Variants in COL21A1 observed in about 807,000 individuals in gnomAD.
COL21A1 encodes collagen alpha-1(XXI) chain.
In COL21A1, 149 loss-of-function variants were observed where a neutral mutation model predicts 137.9. The observed-to-expected ratio is 1.08, with a 90% CI of 0.95 to 1.24. COL21A1 has a LOEUF of 1.24. Ranked by LOEUF, COL21A1 falls within the 50% of genes most tolerant of loss-of-function variation. The pLI is 0.00. For synonymous variants in COL21A1, 456 were observed against 391.5 expected (o/e 1.16, Z -1.95); for missense variants, 1,167 against 1,158.4 (o/e 1.01, Z -0.11).
intron 1 of COL21A1, among the ~76,000 whole-genome samples, chr6:56,224,401 T>C (rs963685001): frequency 2.0e-5 from 3 of 152,102 alleles, no homozygotes; most frequent in African/African-American, 7.2e-5. Flanking sequence ...TATAGCTGAA[T>C]TCCATGACTT....
At chr6:56,203,707 C>T (rs1490440282) in intron 1 of COL21A1, among the ~76,000 whole-genome samples, 2 of 152,206 alleles carry the variant, frequency 1.3e-5, no homozygotes, top group African/African-American at 2.4e-5. Flanking sequence ...CTCCAGTCTG[C>T]AGTTCCCAGC....
At chr6:56,293,919 CT>C (rs1764109831) in intron 1 of COL21A1, among the ~76,000 whole-genome samples, 1 of 152,164 alleles carries the variant, frequency 6.6e-6, no homozygotes, top group Non-Finnish European at 1.5e-5. Flanking sequence ...TGCAACTGAA[CT>C]TGAACTGTAA....
At chr6:56,333,136 C>T (rs1442304434) in intron 1 of COL21A1, among the ~76,000 whole-genome samples, 1 of 151,992 alleles carries the variant, frequency 6.6e-6, no homozygotes, top group Non-Finnish European at 1.5e-5. Flanking sequence ...AACTGACATA[C>T]AATAAACTAC....
chr6:56,195,200 A>T (rs1355245543), intron 1 of COL21A1, among the ~76,000 whole-genome samples: 1 of 152,112 alleles, frequency 6.6e-6, no homozygotes, highest in Non-Finnish European at 1.5e-5. Context: ...TGCAGTTTTG[A>T]GTATTCTCTT....
intron 9 of COL21A1, among the ~76,000 whole-genome samples, chr6:56,157,926 C>T (rs1341445845): frequency 6.6e-6 from 1 of 152,154 alleles, no homozygotes; most frequent in Non-Finnish European, 1.5e-5. Flanking sequence ...AACCTAAGAT[C>T]TTTAAAGAAC....
chr6:56,216,423 T>A (rs983775082), intron 1 of COL21A1, among the ~76,000 whole-genome samples: 5 of 152,086 alleles, frequency 3.3e-5, no homozygotes, highest in African/African-American at 1.2e-4. Flanking sequence ...TTATCCCTCT[T>A]CTGCTCACAC....
At position 56,190,907 on chromosome 6, in the gene COL21A1, TA is replaced by T. The variant is rs560928196; in HGVS notation, c.-38-8252del. Among the ~76,000 whole-genome samples, 26 of 152,194 alleles carry T rather than the reference TA, an allele frequency of 1.7e-4. No individual in the cohort carries two copies. In the South Asian group the frequency reaches 5.0e-3, roughly 29 times the overall value. On this transcript the variant is annotated intron_variant, in intron 1 of 29. Transcript: ENST00000244728. ...TTCAACACCCCTTCATGCTAATACCTAGCATGATATTAGCATCCCCATAAGC... is the reference window on the plus strand; with the variant it reads ...TTCAACACCCCTTCATGCTAATACCTGCATGATATTAGCATCCCCATAAGC...
chr6:56,268,039 T>C (rs6940268), intron 1 of COL21A1, among the ~76,000 whole-genome samples: 135,178 of 152,176 alleles, frequency 0.89, 60,174 homozygotes, highest in African/African-American at 0.93. Context: ...CCCAAGGGTC[T>C]GGAAGATGGA....
At chr6:56,196,931 T>C in intron 1 of COL21A1, among the ~76,000 whole-genome samples, 1 of 152,008 alleles carries the variant, frequency 6.6e-6, no homozygotes, top group East Asian at 1.9e-4. Flanking sequence ...TAAAGCAATC[T>C]TGAACAAGAA....
intron 9 of COL21A1, among the ~76,000 whole-genome samples, chr6:56,164,151 A>G (rs1776393391): frequency 6.6e-6 from 1 of 152,208 alleles, no homozygotes; most frequent in East Asian, 1.9e-4. Flanking sequence ...GGGATCTAGC[A>G]GCAGTATTTG....
At chr6:56,115,581 A>G (rs994214936) in intron 16 of COL21A1, among the ~76,000 whole-genome samples, 7 of 152,192 alleles carry the variant, frequency 4.6e-5, no homozygotes, top group African/African-American at 1.2e-4. Context: ...AGTGAACACT[A>G]CAATAAAGAC....
chr6:56,368,541 G>A (rs937471510), intron 1 of COL21A1, among the ~76,000 whole-genome samples: 1 of 152,250 alleles, frequency 6.6e-6, no homozygotes, highest in East Asian at 1.9e-4. Flanking sequence ...ATCCAGGGCA[G>A]TGACCACTTT....
chr6:56,076,313 G>T (rs1266666502), intron 18 of COL21A1, among the ~76,000 whole-genome samples: 2 of 151,298 alleles, frequency 1.3e-5, no homozygotes, highest in African/African-American at 2.4e-5. Context: ...AGGCTGACAG[G>T]ACACCCTCTA....
chr6:56,070,831 A>G (rs41271340), intron 20 of COL21A1, 33 bp from the exon 21 acceptor site: 141,977 of 1,531,462 alleles, frequency 0.093, 7,470 homozygotes, highest in Non-Finnish European at 0.11. Context: ...GGAGTTTTTT[A>G]AAAACAATTC....
Position 56,288,130 on chromosome 6 carries a change from C to G in COL21A1, c.-38-105474G>C, listed in dbSNP as rs1208921925. Among the ~76,000 whole-genome samples the G allele has an allele frequency of 2.0e-5, 3 of 151,942 alleles. No homozygotes were observed. In the East Asian group the frequency reaches 5.8e-4, roughly 29 times the overall value. Reference sequence around the variant, plus strand: ...AAGTTGTTGCAGCAGCAATAGGAAGCTAATACAGGTCCCCGTACAAACATT... The same window carrying G: ...AAGTTGTTGCAGCAGCAATAGGAAGGTAATACAGGTCCCCGTACAAACATT... On this transcript the variant is annotated intron_variant, in intron 1 of 28. Transcript: ENST00000370819.
chr6:56,280,031 AAG>A (rs1467155001), intron 1 of COL21A1, among the ~76,000 whole-genome samples: 2 of 152,110 alleles, frequency 1.3e-5, no homozygotes, highest in Non-Finnish European at 2.9e-5. Flanking sequence ...AGAACACAAA[AAG>A]CTACCATCTT....
At chr6:56,154,603 C>G (rs961476096) in intron 10 of COL21A1, among the ~76,000 whole-genome samples, 4 of 152,168 alleles carry the variant, frequency 2.6e-5, no homozygotes. Context: ...ACAAACTACT[C>G]TTACCACTCA....
chr6:56,375,352 G>T (rs1334933318), intron 1 of COL21A1, among the ~76,000 whole-genome samples: 1 of 152,148 alleles, frequency 6.6e-6, no homozygotes, highest in Non-Finnish European at 1.5e-5. Flanking sequence ...TCAGCTCCTT[G>T]TCCACTCGCT....
In COL21A1 at chr6:56,061,892, T is replaced by A. The variant is rs1057031854; in HGVS notation, c.2173-211A>T. Among the ~76,000 whole-genome samples, 3 of 152,144 alleles carry A rather than the reference T, an allele frequency of 2.0e-5. No homozygotes were observed. The East Asian group carries it at 5.8e-4, about 29-fold the overall frequency. On this transcript the variant is annotated intron_variant, in intron 24 of 29. Coordinates refer to ENST00000244728, the MANE Select transcript of COL21A1 (RefSeq NM_030820.4). ...ACTGAATAATATAAAAATTTTAATT[T>A]GCTTAACTGTTTCCTTCTTAGATAT...
Sources: allele counts gnomAD v4.1 joint callset (sites outside exome capture counted in the v4.1 genomes callset), GRCh38; gene constraint gnomAD v4.1.1; transcripts MANE v1.5; gene names NCBI Gene and HGNC (gene_info 2026-07-23, HGNC 2026-07-21).